Variants in INPP5A observed in about 807,000 individuals in gnomAD.
INPP5A encodes the protein inositol polyphosphate-5-phosphatase A.
In INPP5A, 14 loss-of-function variants were observed where a neutral mutation model predicts 65.2. The observed-to-expected ratio is 0.21, with a 90% confidence interval of 0.14 to 0.34. The LOEUF (loss-of-function observed/expected upper bound fraction) is 0.34. INPP5A is among the 10% of genes least tolerant of loss of function. The pLI is 1.00. For synonymous variants in INPP5A, 207 were observed against 208.3 expected (o/e 0.99, Z 0.05); for missense variants, 431 against 545.6 (o/e 0.79, Z 2.09).
intron 1 of INPP5A, among the ~76,000 whole-genome samples, chr10:132,596,933 A>AG (rs1564929008): frequency 1.5e-4 from 1 of 6,792 alleles, no homozygotes; most frequent in East Asian, 0.015. Context: ...GCGCATGTGC[A>AG]CGCATGTGTG....
intron 1 of INPP5A, among the ~76,000 whole-genome samples, chr10:132,601,933 G>T (rs1464901755): frequency 1.3e-5 from 2 of 152,134 alleles, no homozygotes; most frequent in Non-Finnish European, 2.9e-5. Context: ...CTTTTTTAAG[G>T]CTATTTTTGG....
At chr10:132,629,577 C>A (rs2072237358) in intron 2 of INPP5A, among the ~76,000 whole-genome samples, 1 of 152,236 alleles carries the variant, frequency 6.6e-6, no homozygotes, top group Admixed American at 6.5e-5. Flanking sequence ...CAGTGTGGCT[C>A]CAGGGTTGGT....
In INPP5A at chr10:132,750,416, A is replaced by T. The variant is rs549328429; in HGVS notation, c.903+571A>T. Reference sequence around the variant, plus strand: ...GGGAATGTGCGGCTCAGGTCGGTCCACGGAGAGGTGGCCCCTGCCAGTGAG... The same window carrying T: ...GGGAATGTGCGGCTCAGGTCGGTCCTCGGAGAGGTGGCCCCTGCCAGTGAG... On this transcript the variant is annotated intron_variant, in intron 11 of 15. Transcript: ENST00000368594. 4.2e-4 allele frequency among the ~76,000 whole-genome samples: 64 copies of T among 152,370 alleles called. No homozygotes were observed. The South Asian group carries it at 0.013, about 31-fold the overall frequency.
chr10:132,750,846 G>A (rs962956833), intron 11 of INPP5A, among the ~76,000 whole-genome samples: 1 of 152,238 alleles, frequency 6.6e-6, no homozygotes, highest in African/African-American at 2.4e-5. Flanking sequence ...GAAGCTGTCT[G>A]GGGAGTGGCC....
In INPP5A at chr10:132,698,623, G is replaced by A. The variant is rs1479748070; in HGVS notation, c.474+704G>A. 2.0e-5 allele frequency among the ~76,000 whole-genome samples: 3 copies of A among 152,236 alleles called. No homozygotes were observed. The highest frequency in any genetic ancestry group is 7.2e-5 in the African/African-American group (3 of 41,462). On this transcript the variant is annotated intron_variant, in intron 6 of 15. Coordinates refer to ENST00000368594, the MANE Select transcript of INPP5A (RefSeq NM_005539.5). The surrounding 1 kb of genome is among the most constrained non-coding windows in gnomAD (Gnocchi z 5.5). ...TAGTTAACCTGTCGAGGCAGCGTTT[G>A]CTGCTTTGCCCTTCCTCATCTGCTG... is the stretch of plus-strand genomic sequence containing the variant.
At chr10:132,729,297 C>G (rs1311845893) in intron 9 of INPP5A, among the ~76,000 whole-genome samples, 1 of 152,222 alleles carries the variant, frequency 6.6e-6, no homozygotes, top group Non-Finnish European at 1.5e-5. Flanking sequence ...ACCTGGCCTG[C>G]TCCCCTGGCC....
intron 4 of INPP5A, among the ~76,000 whole-genome samples, chr10:132,669,579 C>T (rs998057150): frequency 6.6e-6 from 1 of 152,214 alleles, no homozygotes; most frequent in Non-Finnish European, 1.5e-5. Context: ...GGCTTAGCTG[C>T]GTCCTTGAAA....
At chr10:132,724,018 A>G (rs1213468547) in intron 8 of INPP5A, among the ~76,000 whole-genome samples, 1 of 152,220 alleles carries the variant, frequency 6.6e-6, no homozygotes, top group Non-Finnish European at 1.5e-5. Flanking sequence ...AAAAAGGTAA[A>G]CAAGACTTTC....
intron 2 of INPP5A, among the ~76,000 whole-genome samples, chr10:132,632,448 G>C (rs1274951959): frequency 1.3e-5 from 2 of 152,220 alleles, no homozygotes; most frequent in African/African-American, 4.8e-5. Flanking sequence ...CTGGATGCCA[G>C]CATTGTTGAC....
intron 1 of INPP5A, among the ~76,000 whole-genome samples, chr10:132,565,549 G>A (rs1300691033): frequency 4.6e-5 from 7 of 152,192 alleles, no homozygotes; most frequent in African/African-American, 1.7e-4. Context: ...CTGTGTGTGT[G>A]TATATATGTA....
At chr10:132,734,768 C>T (rs1274080686) in intron 9 of INPP5A, among the ~76,000 whole-genome samples, 3 of 152,228 alleles carry the variant, frequency 2.0e-5, no homozygotes, top group Admixed American at 6.5e-5. Flanking sequence ...GATTTCCCAC[C>T]GAAGTGTCTG....
intron 2 of INPP5A, among the ~76,000 whole-genome samples, chr10:132,624,535 TC>T (rs1435716025): frequency 6.6e-6 from 1 of 152,040 alleles, no homozygotes; most frequent in African/African-American, 2.4e-5. Flanking sequence ...TGTCTGCACT[TC>T]CCACTGGCGT....
chr10:132,641,630 G>C (rs139122086), intron 2 of INPP5A, among the ~76,000 whole-genome samples: 5 of 152,238 alleles, frequency 3.3e-5, no homozygotes, highest in Non-Finnish European at 7.3e-5. Flanking sequence ...CTTCGCAAGG[G>C]CCCCGTGTTG....
At chr10:132,540,028 G>A (rs2070889293) in intron 1 of INPP5A, among the ~76,000 whole-genome samples, 1 of 152,184 alleles carries the variant, frequency 6.6e-6, no homozygotes, top group East Asian at 1.9e-4. Context: ...GCCTGGCATG[G>A]GTGTGTGTCT....
At chr10:132,699,298 G>T (rs1263107235) in intron 6 of INPP5A, among the ~76,000 whole-genome samples, 1 of 146,958 alleles carries the variant, frequency 6.8e-6, no homozygotes, top group South Asian at 2.2e-4. Flanking sequence ...CCCGGGCAAG[G>T]CTCTCATCTC....
At chr10:132,738,652 C>T (rs1171771576) in intron 9 of INPP5A, among the ~76,000 whole-genome samples, 1 of 152,240 alleles carries the variant, frequency 6.6e-6, no homozygotes, top group Non-Finnish European at 1.5e-5. Flanking sequence ...GGCGCCACTC[C>T]CATTCCATGC....
At chr10:132,574,623 A>T (rs1193664147) in intron 1 of INPP5A, among the ~76,000 whole-genome samples, 1 of 128,780 alleles carries the variant, frequency 7.8e-6, no homozygotes, top group Non-Finnish European at 1.6e-5. Flanking sequence ...TTTTTTTTTA[A>T]TTTTGTATTT....
At chr10:132,664,750 C>A (rs1335217884) in intron 4 of INPP5A, among the ~76,000 whole-genome samples, 1 of 152,218 alleles carries the variant, frequency 6.6e-6, no homozygotes, top group East Asian at 1.9e-4. Context: ...CCTGTTAGAA[C>A]TGCTATGTGC....
chr10:132,759,108 A>T (rs909702679), intron 11 of INPP5A, among the ~76,000 whole-genome samples: 2 of 152,148 alleles, frequency 1.3e-5, no homozygotes, highest in Non-Finnish European at 2.9e-5. Flanking sequence ...TATGCTTCTG[A>T]CTGAGGCCCT....
Sources: gnomAD v4.1 joint callset for allele counts (sites outside exome capture counted in the v4.1 genomes callset) on GRCh38, gnomAD v4.1.1 for gene constraint, Gnocchi (gnomAD v3.1) non-coding constraint, MANE v1.5 for transcripts, NCBI Gene and HGNC (gene_info 2026-07-23, HGNC 2026-07-21) for gene names.